ELL: variants seen among roughly 807,000 people sequenced by gnomAD.
The protein encoded by ELL is RNA polymerase II elongation factor ELL.
ELL carries 18 observed loss-of-function variants against 64.0 expected under a neutral mutation model. The ratio of observed to expected loss-of-function variants is 0.28; its 90% CI spans 0.19 to 0.42. The LOEUF (loss-of-function observed/expected upper bound fraction) is 0.42, where lower values mean the gene tolerates loss of function less well. Ranked by LOEUF, ELL falls within the 10% of genes least tolerant of loss-of-function variation. The pLI, the probability that ELL is intolerant of heterozygous loss-of-function variation, is 1.00. For synonymous variants in ELL, 399 were observed against 376.2 expected (o/e 1.06, Z -0.70); for missense variants, 797 against 870.4 (o/e 0.92, Z 1.06).
intron 1 of ELL, among the ~76,000 whole-genome samples, chr19:18,518,979 C>G: frequency 6.6e-6 from 1 of 152,064 alleles, no homozygotes; most frequent in East Asian, 1.9e-4. Context: ...CTAGGATTAC[C>G]TGCTCCTGGG....
intron 1 of ELL, among the ~76,000 whole-genome samples, chr19:18,503,236 A>G (rs1187288210): frequency 6.6e-6 from 1 of 152,224 alleles, no homozygotes; most frequent in East Asian, 1.9e-4. Context: ...GGCCGCGGGT[A>G]TCTTTATGGC....
At chr19:18,500,613 G>A (rs1292103460) in intron 1 of ELL, among the ~76,000 whole-genome samples, 1 of 152,194 alleles carries the variant, frequency 6.6e-6, no homozygotes, top group African/African-American at 2.4e-5. Context: ...TGGAGAGGTC[G>A]ACTGGTCCCC....
intron 1 of ELL, among the ~76,000 whole-genome samples, chr19:18,476,453 C>T (rs1600465940): frequency 6.6e-6 from 1 of 152,100 alleles, no homozygotes; most frequent in African/African-American, 2.4e-5. Context: ...GGGTGACAGG[C>T]CTTGAACACA....
chr19:18,456,098 A>AG, intron 6 of ELL, among the ~76,000 whole-genome samples: 1 of 140,884 alleles, frequency 7.1e-6, no homozygotes, highest in African/African-American at 2.7e-5. Flanking sequence ...ACTCCATCAC[A>AG]AAAAAAAAAA....
At position 18,442,791 on chromosome 19, in the gene ELL, T is replaced by C; in HGVS notation, c.*1961A>G. 4.7e-6 allele frequency: 1 copy of C among 210,910 alleles called. No homozygotes were observed. The highest frequency in any genetic ancestry group is 7.1e-5 in the East Asian group (1 of 14,106). The allele number at this position is 210,910 out of a possible 1,614,324, so 13.1% of individuals were successfully genotyped here. A position where few individuals can be genotyped will look rare whatever the true frequency, so the allele number is the denominator to read the frequency against. On this transcript the variant is annotated 3_prime_UTR_variant, in exon 12 of 12. Coordinates refer to ENST00000262809, the MANE Select transcript of ELL (RefSeq NM_006532.4). ...GACGCAGATAGATGCCTTTCAATTGTAACATTTTGGCAAAAGTGGAAAGTT... is the reference window on the plus strand; with the variant it reads ...GACGCAGATAGATGCCTTTCAATTGCAACATTTTGGCAAAAGTGGAAAGTT...
chr19:18,521,774 G>T, intron 1 of ELL, 147 bp downstream of exon 1: 1 of 1,243,738 alleles, frequency 8.0e-7, no homozygotes, highest in Admixed American at 3.2e-5. Context: ...CCGGACTGGC[G>T]CCCACTCCGC....
At chr19:18,513,871 C>T (rs1976078303) in intron 1 of ELL, among the ~76,000 whole-genome samples, 1 of 152,114 alleles carries the variant, frequency 6.6e-6, no homozygotes, top group Non-Finnish European at 1.5e-5. Flanking sequence ...GCAGAGGTTG[C>T]AGTGAGCCAA....
chr19:18,454,697 C>T (rs964617367), intron 6 of ELL, among the ~76,000 whole-genome samples: 1 of 151,090 alleles, frequency 6.6e-6, no homozygotes, highest in Non-Finnish European at 1.5e-5. Context: ...CAAAATTAGC[C>T]GGTCGTGGTG....
intron 1 of ELL, among the ~76,000 whole-genome samples, chr19:18,487,057 C>T (rs1975433377): frequency 6.6e-6 from 1 of 152,212 alleles, no homozygotes; most frequent in South Asian, 2.1e-4. Flanking sequence ...TGGGTAAATC[C>T]TAATCACTCA....
At chr19:18,488,223 C>A (rs1975458347) in intron 1 of ELL, among the ~76,000 whole-genome samples, 1 of 152,232 alleles carries the variant, frequency 6.6e-6, no homozygotes, top group Non-Finnish European at 1.5e-5. Context: ...GGTAAGCGTA[C>A]ACCAAGATCC....
intron 4 of ELL, among the ~76,000 whole-genome samples, chr19:18,463,477 G>C (rs1974872266): frequency 6.6e-6 from 1 of 151,864 alleles, no homozygotes; most frequent in African/African-American, 2.4e-5. Context: ...TGGGACTCCA[G>C]GCGCACGCCA....
intron 8 of ELL, among the ~76,000 whole-genome samples, chr19:18,447,479 G>A (rs1974439321): frequency 6.6e-6 from 1 of 152,262 alleles, no homozygotes; most frequent in Non-Finnish European, 1.5e-5. Context: ...GGCCATCCAT[G>A]AGCAAAGTGT....
intron 1 of ELL, among the ~76,000 whole-genome samples, chr19:18,489,155 T>C (rs930711487): frequency 1.3e-5 from 2 of 152,178 alleles, no homozygotes; most frequent in African/African-American, 4.8e-5. Flanking sequence ...GGATTGGGTA[T>C]TTGCCTAGCA....
At chr19:18,467,634 CACACA>C (rs1974969028) in intron 2 of ELL, among the ~76,000 whole-genome samples, 1 of 7,476 alleles carries the variant, frequency 1.3e-4, no homozygotes, top group African/African-American at 6.8e-3. Flanking sequence ...CACACAACCA[CACACA>C]CACACACACA....
chr19:18,480,844 G>A (rs1477708104), intron 1 of ELL, among the ~76,000 whole-genome samples: 1 of 152,030 alleles, frequency 6.6e-6, no homozygotes, highest in Admixed American at 6.5e-5. Flanking sequence ...ATGTTGCCCA[G>A]GCTGGACTTG....
chr19:18,474,165 G>A (rs1434870179), intron 1 of ELL, among the ~76,000 whole-genome samples: 2 of 152,200 alleles, frequency 1.3e-5, no homozygotes, highest in African/African-American at 4.8e-5. Context: ...CACATCCAGT[G>A]CCCATCAGTT....
At chr19:18,498,361 C>A (rs1326312082) in intron 1 of ELL, among the ~76,000 whole-genome samples, 7 of 152,272 alleles carry the variant, frequency 4.6e-5, no homozygotes, top group African/African-American at 1.7e-4. Context: ...AGTAGCAGGA[C>A]CTGACGGGAC....
intron 7 of ELL, 144 bp from the exon 8 acceptor site, chr19:18,451,119 C>T (rs1974523739): frequency 8.3e-7 from 1 of 1,200,654 alleles, no homozygotes; most frequent in Admixed American, 3.2e-5. Context: ...CAAGTCAGGT[C>T]CCAGGTGCCG....
intron 1 of ELL, among the ~76,000 whole-genome samples, chr19:18,488,541 C>T (rs1271998631): frequency 6.6e-6 from 1 of 152,178 alleles, no homozygotes; most frequent in African/African-American, 2.4e-5. Flanking sequence ...CTGCATGCTC[C>T]CAGCATCCAC....
Sources: allele counts gnomAD v4.1 joint callset (sites outside exome capture counted in the v4.1 genomes callset), GRCh38; gene constraint gnomAD v4.1.1; transcripts MANE v1.5; gene names NCBI Gene and HGNC (gene_info 2026-07-23, HGNC 2026-07-21).